PALLD: variants seen among roughly 807,000 people sequenced by gnomAD.
PALLD encodes the protein palladin.
PALLD carries 61 observed loss-of-function variants against 123.5 expected under a neutral mutation model. That is an observed-to-expected ratio of 0.49 (90% CI 0.40 to 0.61). PALLD has a LOEUF of 0.61. PALLD is among the 20% of genes least tolerant of loss of function. The pLI is 0.00. For missense variants in PALLD, 1,273 were observed against 1,377.0 expected (o/e 0.92, Z 1.20); for synonymous variants, 465 against 496.4 (o/e 0.94, Z 0.84).
At chr4:168,725,443 A>T (rs764976568) in intron 10 of PALLD, among the ~76,000 whole-genome samples, 8 of 152,094 alleles carry the variant, frequency 5.3e-5, no homozygotes, top group Non-Finnish European at 1.0e-4. Flanking sequence ...GTTTGAAACA[A>T]AAAAACCCTA....
rs1755215469 is a variant in PALLD, at chr4:168,896,540, C to A, written c.2200-9C>A. 2 of 1,456,186 alleles carry A rather than the reference C, an allele frequency of 1.4e-6. No individual in the cohort carries two copies. The highest frequency in any genetic ancestry group is 2.0e-5 in the Admixed American group (1 of 50,842). The allele number at this position is 1,456,186 out of a possible 1,614,324, so 90.2% of individuals were successfully genotyped here. A position where few individuals can be genotyped will look rare whatever the true frequency, so the allele number is the denominator to read the frequency against. On this transcript the variant is annotated splice_polypyrimidine_tract_variant and intron_variant, in intron 12 of 21. Transcript: ENST00000505667. ...ATTAGTCTTCACATCTTTTTTTCTACCATTACAGGACATTGGTTCTCCTCA... is the reference window on the plus strand; with the variant it reads ...ATTAGTCTTCACATCTTTTTTTCTAACATTACAGGACATTGGTTCTCCTCA...
chr4:168,826,298 C>T (rs958894276), intron 10 of PALLD, among the ~76,000 whole-genome samples: 1 of 152,168 alleles, frequency 6.6e-6, no homozygotes, highest in Non-Finnish European at 1.5e-5. Context: ...TGGCAATAAT[C>T]AATTGCTCCA....
chr4:168,540,753 CA>C (rs1233005645), intron 2 of PALLD, among the ~76,000 whole-genome samples: 1 of 151,078 alleles, frequency 6.6e-6, no homozygotes, highest in Non-Finnish European at 1.5e-5. Context: ...TACATCAAAG[CA>C]AAGGCACTCC....
At chr4:168,597,574 C>T (rs1334101770) in intron 2 of PALLD, among the ~76,000 whole-genome samples, 1 of 151,950 alleles carries the variant, frequency 6.6e-6, no homozygotes, top group African/African-American at 2.4e-5. Context: ...TTCTGAGTAT[C>T]ATTTCATGCA....
In PALLD at chr4:168,681,358, G is replaced by A. The variant is rs1266751509; in HGVS notation, c.1114G>A (p.Glu372Lys). The A allele has an allele frequency of 6.2e-7, 1 of 1,609,384 alleles. No homozygotes were observed. The highest frequency in any genetic ancestry group is 1.3e-5 in the African/African-American group (1 of 74,898). ...TGCCAGTTCAACAGATTCTGACAGTGAAAGTTTAGCTTTCAAATCAAGAGC... is the reference window on the plus strand; with the variant it reads ...TGCCAGTTCAACAGATTCTGACAGTAAAAGTTTAGCTTTCAAATCAAGAGC... The part of the protein sequence containing the change: ...EGASSTDSDS[E>K]SLAFKSRAGA... The change falls in exon 4 of 22, where the codon GAA becomes AAA. Residue 372 changes from glutamate to lysine, a missense_variant. Physicochemically the swap from Glu to Lys is moderately conservative, Grantham distance 56. Coordinates refer to ENST00000505667, the MANE Select transcript of PALLD (RefSeq NM_001166108.2).
chr4:168,910,125 A>G (rs1195655050), intron 15 of PALLD, among the ~76,000 whole-genome samples: 1 of 152,042 alleles, frequency 6.6e-6, no homozygotes, highest in African/African-American at 2.4e-5. Context: ...TTCTGTGGCA[A>G]TATTTGTATA....
chr4:168,638,835 G>A (rs1776610570), intron 2 of PALLD, among the ~76,000 whole-genome samples: 1 of 148,320 alleles, frequency 6.7e-6, no homozygotes, highest in African/African-American at 2.5e-5. Flanking sequence ...GGGGGGGCGG[G>A]CCATAAACAT....
intron 10 of PALLD, among the ~76,000 whole-genome samples, chr4:168,726,305 G>C (rs116325044): frequency 6.6e-6 from 1 of 152,110 alleles, no homozygotes; most frequent in African/African-American, 2.4e-5. Flanking sequence ...GTTGATTTAC[G>C]CTGAGGACCC....
chr4:168,685,698 A>G (rs1781960443), intron 6 of PALLD, 139 bp downstream of exon 6: 2 of 713,354 alleles, frequency 2.8e-6, no homozygotes, highest in Non-Finnish European at 5.2e-6. Context: ...TTGGGACTAA[A>G]TAGATATTTG....
At chr4:168,743,036 A>G (rs1265310336) in intron 10 of PALLD, among the ~76,000 whole-genome samples, 1 of 152,130 alleles carries the variant, frequency 6.6e-6, no homozygotes, top group African/African-American at 2.4e-5. Context: ...TCTGCCTTCC[A>G]GGAGCTATAG....
chr4:168,914,571 T>C (rs1391667823), intron 16 of PALLD, among the ~76,000 whole-genome samples: 1 of 152,222 alleles, frequency 6.6e-6, no homozygotes, highest in African/African-American at 2.4e-5. Context: ...CTAGTAGTTC[T>C]GAGTCTATGC....
In PALLD at chr4:168,507,699, G is replaced by C. The variant is rs891962283; in HGVS notation, c.-82-3724G>C. ...CTGCAATCAGTTATCTCTCAAAAAT[G>C]TAAGTCTGGTGATGTTTCTCAAGGA... On this transcript the variant is annotated intron_variant, in intron 1 of 21. Coordinates refer to ENST00000505667, the MANE Select transcript of PALLD (RefSeq NM_001166108.2). The C allele has an allele frequency of 2.1e-5, 4 of 186,610 alleles. No homozygotes were observed. In the Admixed American group the frequency reaches 2.5e-4, roughly 12 times the overall value. The allele number at this position is 186,610 out of a possible 1,614,324, so 11.6% of individuals were successfully genotyped here.
At chr4:168,567,669 C>T (rs2149596826) in intron 2 of PALLD, among the ~76,000 whole-genome samples, 1 of 150,778 alleles carries the variant, frequency 6.6e-6, no homozygotes, top group East Asian at 1.9e-4. Flanking sequence ...AAACTGGAGG[C>T]CATTATCCTA....
intron 10 of PALLD, among the ~76,000 whole-genome samples, chr4:168,780,192 C>A (rs193243446): frequency 2.0e-5 from 3 of 152,214 alleles, no homozygotes; most frequent in Non-Finnish European, 4.4e-5. Flanking sequence ...GGCCACCGCA[C>A]CTGGTCTCAC....
intron 10 of PALLD, among the ~76,000 whole-genome samples, chr4:168,808,127 TAA>T (rs928141292): frequency 4.6e-5 from 7 of 151,766 alleles, no homozygotes; most frequent in African/African-American, 1.4e-4. Flanking sequence ...CATGAAAATA[TAA>T]GAGGAAAATA....
At chr4:168,794,538 A>ACCCC (rs1554084032) in intron 10 of PALLD, among the ~76,000 whole-genome samples, 1 of 146,292 alleles carries the variant, frequency 6.8e-6, no homozygotes, top group Non-Finnish European at 1.5e-5. Context: ...ACACACACAC[A>ACCCC]CCCCTCTGGC....
At chr4:168,790,918 C>T (rs568548440) in intron 10 of PALLD, among the ~76,000 whole-genome samples, 37 of 152,182 alleles carry the variant, frequency 2.4e-4, no homozygotes, top group African/African-American at 8.9e-4. Context: ...TGACTCTTAC[C>T]ACCCATGAAA....
intron 2 of PALLD, among the ~76,000 whole-genome samples, chr4:168,618,056 A>G (rs1774395888): frequency 6.6e-6 from 1 of 152,224 alleles, no homozygotes; most frequent in South Asian, 2.1e-4. Context: ...AAGAAAATAA[A>G]GTAACACCAA....
chr4:168,765,936 A>G (rs1227436197), intron 10 of PALLD, among the ~76,000 whole-genome samples: 1 of 152,244 alleles, frequency 6.6e-6, no homozygotes, highest in Non-Finnish European at 1.5e-5. Flanking sequence ...GCCAAAATGA[A>G]TGAAAATGCT....
Sources: allele counts gnomAD v4.1 joint callset (sites outside exome capture counted in the v4.1 genomes callset), GRCh38; gene constraint gnomAD v4.1.1; transcripts MANE v1.5; gene names NCBI Gene and HGNC (gene_info 2026-07-23, HGNC 2026-07-21).